Variants in THRB observed in about 807,000 individuals in gnomAD.
THRB encodes the protein thyroid hormone receptor beta, also known as nuclear receptor subfamily 1 group A member 2.
A neutral mutation model predicts 47.8 loss-of-function variants in THRB; 12 were observed. The ratio of observed to expected loss-of-function variants is 0.25; its 90% CI spans 0.16 to 0.41. The LOEUF (loss-of-function observed/expected upper bound fraction) is 0.41, where lower values mean the gene tolerates loss of function less well. THRB is among the 10% of genes least tolerant of loss of function. THRB has a pLI of 1.00. For synonymous variants in THRB, 218 were observed against 212.2 expected, an observed-to-expected ratio of 1.03 and a Z score of -0.24; for missense variants, 348 against 589.2, an observed-to-expected ratio of 0.59 and a Z score of 4.24.
At chr3:24,399,773 G>A (rs1406790212) in intron 1 of THRB, among the ~76,000 whole-genome samples, 3 of 152,008 alleles carry the variant, frequency 2.0e-5, no homozygotes, top group East Asian at 1.9e-4. Flanking sequence ...CTAAGGTCAC[G>A]CATTGAATAC....
At chr3:24,227,305 C>T (rs1442591223) in intron 4 of THRB, among the ~76,000 whole-genome samples, 1 of 152,158 alleles carries the variant, frequency 6.6e-6, no homozygotes, top group African/African-American at 2.4e-5. Context: ...AGACTTAGGC[C>T]ATCACTCCTC....
intron 3 of THRB, among the ~76,000 whole-genome samples, chr3:24,236,345 C>T (rs565301166): frequency 6.6e-6 from 1 of 152,158 alleles, no homozygotes; most frequent in Non-Finnish European, 1.5e-5. Context: ...AAAGATAAAT[C>T]ACAATTCCTG....
chr3:24,256,575 A>G (rs1234965391), intron 3 of THRB, among the ~76,000 whole-genome samples: 1 of 152,198 alleles, frequency 6.6e-6, no homozygotes, highest in African/African-American at 2.4e-5. Flanking sequence ...GATAACTCAT[A>G]CTGAAAGATC....
chr3:24,394,970 A>C (rs2066847830), intron 1 of THRB, among the ~76,000 whole-genome samples: 1 of 152,122 alleles, frequency 6.6e-6, no homozygotes, highest in Non-Finnish European at 1.5e-5. Flanking sequence ...AACTCTCTGG[A>C]AATTTATTAT....
intron 3 of THRB, among the ~76,000 whole-genome samples, chr3:24,262,820 G>A (rs780215736): frequency 1.2e-4 from 18 of 151,918 alleles, no homozygotes; most frequent in South Asian, 4.2e-4. Flanking sequence ...CCTACTAGAC[G>A]GTAAACACCA....
rs1325205879 is a variant in THRB at position 24,143,631 on chromosome 3, T to A, written c.608A>T (p.Glu203Val). ...CTTGTGCCCGATGGACTTCTGCAGC[T>A]CTTCCCGCCGTCTTTTCTCCCGGTT... is the stretch of plus-strand genomic sequence containing the variant. ...EENREKRRRE[E>V]LQKSIGHKPE... is the part of the protein sequence containing the mutation. The change falls in exon 8 of 11, where the codon GAG becomes GTG. Residue 203 changes from glutamate to valine, a missense_variant. Transcript: ENST00000646209. The A allele has an allele frequency of 6.2e-7, 1 of 1,614,218 alleles. No homozygotes were observed. Among genetic ancestry groups the A allele is most frequent in the South Asian group, 1.1e-5 (1 of 91,082 alleles).
At chr3:24,408,645 G>T (rs1317186661) in intron 1 of THRB, among the ~76,000 whole-genome samples, 6 of 151,786 alleles carry the variant, frequency 4.0e-5, no homozygotes, top group African/African-American at 1.4e-4. Flanking sequence ...GTGATTAGAT[G>T]CATTAAGAAA....
At chr3:24,432,552 A>C (rs1343602457) in intron 1 of THRB, among the ~76,000 whole-genome samples, 5 of 152,244 alleles carry the variant, frequency 3.3e-5, no homozygotes, top group African/African-American at 1.2e-4. Flanking sequence ...TGAAAAAATA[A>C]AGAGCTTCCA....
chr3:24,491,025 C>T (rs762459357), intron 1 of THRB, among the ~76,000 whole-genome samples: 19 of 152,214 alleles, frequency 1.2e-4, no homozygotes, highest in South Asian at 1.0e-3. Flanking sequence ...ATATTTCATA[C>T]GAGTATATAC....
chr3:24,422,910 G>A (rs757878105), intron 1 of THRB, among the ~76,000 whole-genome samples: 8 of 151,972 alleles, frequency 5.3e-5, no homozygotes, highest in Middle Eastern at 3.4e-3. Flanking sequence ...TTGACCAACA[G>A]AATGTGGAGG....
rs184765982 is a variant in THRB, at chr3:24,298,621, C to T, written c.-188-1250G>A. ...GTACAATTTTCAAATACTTTTTACC[C>T]TAAGCCTTGTAACAACTCTGTACAG... On this transcript the variant is annotated intron_variant, in intron 2 of 10. Transcript: ENST00000646209. Among the ~76,000 whole-genome samples the T allele has an allele frequency of 2.0e-3, 305 of 152,304 alleles. 1 individual carries two copies. The highest frequency in any genetic ancestry group is 7.0e-3 in the African/African-American group (292 of 41,558).
intron 4 of THRB, among the ~76,000 whole-genome samples, chr3:24,217,949 T>C (rs1030849283): frequency 6.6e-6 from 1 of 152,220 alleles, no homozygotes; most frequent in African/African-American, 2.4e-5. Context: ...TCAAATCTTA[T>C]GTTTAGATTA....
At chr3:24,290,695 C>T (rs1326771435) in intron 3 of THRB, among the ~76,000 whole-genome samples, 1 of 152,176 alleles carries the variant, frequency 6.6e-6, no homozygotes, top group Non-Finnish European at 1.5e-5. Flanking sequence ...ATTTTTCTAG[C>T]AATTGTTGAT....
chr3:24,319,068 C>G (rs1282574707), intron 2 of THRB, among the ~76,000 whole-genome samples: 1 of 152,108 alleles, frequency 6.6e-6, no homozygotes, highest in Non-Finnish European at 1.5e-5. Flanking sequence ...CTATTACATA[C>G]CCATTATAAT....
chr3:24,200,320 C>A (rs1320332112), intron 4 of THRB, among the ~76,000 whole-genome samples: 1 of 152,138 alleles, frequency 6.6e-6, no homozygotes, highest in Non-Finnish European at 1.5e-5. Flanking sequence ...CATGAAATAC[C>A]CCTTTTCAGG....
At chr3:24,150,717 G>A (rs888075757) in intron 6 of THRB, among the ~76,000 whole-genome samples, 3 of 152,098 alleles carry the variant, frequency 2.0e-5, no homozygotes, top group African/African-American at 7.2e-5. Context: ...TCATTTTGGG[G>A]AATTAAGTAT....
intron 1 of THRB, chr3:24,458,195 C>G (rs1160939957): frequency 1.3e-5 from 2 of 152,156 alleles, no homozygotes; most frequent in African/African-American, 4.8e-5. Flanking sequence ...ACCTGCCAGA[C>G]AAATTATCTC....
chr3:24,156,523 T>C, intron 5 of THRB, among the ~76,000 whole-genome samples: 1 of 152,188 alleles, frequency 6.6e-6, no homozygotes, highest in East Asian at 1.9e-4. Flanking sequence ...GCAAATCTTA[T>C]CATCTGTATA....
chr3:24,449,748 C>T (rs1030820132), intron 1 of THRB, among the ~76,000 whole-genome samples: 1 of 151,886 alleles, frequency 6.6e-6, no homozygotes, highest in South Asian at 2.1e-4. Context: ...TCAAAGGAGG[C>T]GATATAGTGA....
Sources: gnomAD v4.1 joint callset for allele counts (sites outside exome capture counted in the v4.1 genomes callset) on GRCh38, gnomAD v4.1.1 for gene constraint, MANE v1.5 for transcripts, NCBI Gene and HGNC (gene_info 2026-07-23, HGNC 2026-07-21) for gene names.